The following ABCA5 variants were observed in gnomAD, a reference collection of about 807,000 sequenced individuals.
ABCA5 encodes ATP binding cassette subfamily A member 5.
ABCA5 carries 163 observed loss-of-function variants against 206.0 expected under a neutral mutation model. The observed-to-expected ratio is 0.79, with a 90% CI of 0.70 to 0.90. The LOEUF is 0.90. ABCA5 is among the 40% of genes least tolerant of loss of function. The pLI is 0.00. For synonymous variants in ABCA5, 609 were observed against 613.8 expected, an observed-to-expected ratio of 0.99 and a Z score of 0.11; for missense variants, 1,859 against 1,912.9, an observed-to-expected ratio of 0.97 and a Z score of 0.53.
At chr17:69,303,288 G>A (rs1469762246) in intron 7 of ABCA5, among the ~76,000 whole-genome samples, 1 of 151,822 alleles carries the variant, frequency 6.6e-6, no homozygotes, top group Admixed American at 6.6e-5. Context: ...CAGCATTTTA[G>A]TATTTTTTTT....
chr17:69,287,644 A>C lies in ABCA5; in HGVS notation c.2010T>G (p.Thr670=). Residue 670 remains threonine (T), a synonymous_variant, in exon 15 of 39, where the codon ACT becomes ACG. Transcript: ENST00000392676. ...RKANRVTVFS[T]HFMDEADILA... is the part of the protein sequence containing the mutation. ...GAATGTCAGCTTCATCCATGAAATG[A>C]GTACTGAACACTGTCACCCGATTGG... 1 of 1,612,768 alleles carries C rather than the reference A, an allele frequency of 6.2e-7. No homozygotes were observed.
At chr17:69,250,772 C>T (rs891238924) in intron 35 of ABCA5, 151 bp from the exon 36 acceptor site, 18 of 454,572 alleles carry the variant, frequency 4.0e-5, no homozygotes, top group African/African-American at 6.2e-5. Flanking sequence ...ACTCTTTATC[C>T]GGTTTCAGTT....
In ABCA5 at chr17:69,268,197, C is replaced by T. The variant is rs529633828; in HGVS notation, c.3031-141G>A. 6.2e-5 allele frequency: 33 copies of T among 535,570 alleles called. No individual in the cohort carries two copies. The South Asian group carries it at 6.9e-4, about 11-fold the overall frequency. The allele number at this position is 535,570 out of a possible 1,614,324, so 33.2% of individuals were successfully genotyped here. A position where few individuals can be genotyped will look rare whatever the true frequency, so the allele number is the denominator to read the frequency against. Reference sequence around the variant, plus strand: ...GAATATCTAACCCAGGCATAGTCTACATGAAAGAATGAGTGGCAGATGTAT... The same window carrying T: ...GAATATCTAACCCAGGCATAGTCTATATGAAAGAATGAGTGGCAGATGTAT... On this transcript the variant is annotated intron_variant, in intron 22 of 38. Coordinates refer to ENST00000392676, the MANE Select transcript of ABCA5 (RefSeq NM_172232.4).
At chr17:69,260,448 A>G (rs771230160) in intron 26 of ABCA5, 36 bp from the exon 27 acceptor site, 1 of 1,274,356 alleles carries the variant, frequency 7.8e-7, no homozygotes, top group African/African-American at 1.5e-5. Flanking sequence ...ATACGCTGCA[A>G]TATGTAGAAA....
chr17:69,263,697 C>CTTTTT (rs58369537), intron 24 of ABCA5, among the ~76,000 whole-genome samples: 41,604 of 103,152 alleles, frequency 0.4, 9,865 homozygotes, highest in South Asian at 0.52. Flanking sequence ...ACATGGATTC[C>CTTTTT]TTTTTTTTTT....
At position 69,244,331 on chromosome 17, in the gene ABCA5, A is replaced by T. The variant is rs1337411916; in HGVS notation, c.*3206T>A. 1 of 152,088 alleles carries T rather than the reference A, an allele frequency of 6.6e-6. No individual in the cohort carries two copies. Among genetic ancestry groups the T allele is most frequent in the Non-Finnish European group, 1.5e-5 (1 of 67,950 alleles). 9.4% of individuals were successfully genotyped at this position (152,088 alleles called of 1,614,324 possible). The stretch of plus-strand genomic sequence containing the variant: ...AACAATTTTAGTGCCAGGTTTTTGC[A>T]TCATTTTTAATATGAGCTACTCATT... On this transcript the variant is annotated 3_prime_UTR_variant, in exon 39 of 39. Transcript: ENST00000392676.
chr17:69,319,585 T>C (rs2075846276), intron 1 of ABCA5, among the ~76,000 whole-genome samples: 1 of 152,114 alleles, frequency 6.6e-6, no homozygotes, highest in Admixed American at 6.6e-5. Flanking sequence ...CAGAATTAAC[T>C]AAGAGACCCA....
chr17:69,310,826 C>A (rs2075761133), intron 3 of ABCA5, among the ~76,000 whole-genome samples: 1 of 152,180 alleles, frequency 6.6e-6, no homozygotes, highest in Admixed American at 6.5e-5. Context: ...ACTTTAGTGT[C>A]CTCATCTACA....
chr17:69,294,361 A>G (rs2075562769), intron 11 of ABCA5, among the ~76,000 whole-genome samples: 1 of 152,010 alleles, frequency 6.6e-6, no homozygotes, highest in African/African-American at 2.4e-5. Flanking sequence ...CGTCTCCACA[A>G]AAATACAAAA....
rs1271044329 is a variant in ABCA5, at chr17:69,245,120, C to A, written c.*2417G>T. On this transcript the variant is annotated 3_prime_UTR_variant, in exon 39 of 39. Coordinates refer to ENST00000392676, the MANE Select transcript of ABCA5 (RefSeq NM_172232.4). ...AAATACTGACCTAAGATAATTTGTGCAAATTTAAAAGAAAAAAATTATTTT... is the reference window on the plus strand; with the variant it reads ...AAATACTGACCTAAGATAATTTGTGAAAATTTAAAAGAAAAAAATTATTTT... 1 of 151,038 alleles carries A rather than the reference C, an allele frequency of 6.6e-6. No individual in the cohort carries two copies. Among genetic ancestry groups the A allele is most frequent in the Non-Finnish European group, 1.5e-5 (1 of 67,650 alleles). 9.4% of individuals were successfully genotyped at this position (151,038 alleles called of 1,614,324 possible). A position where few individuals can be genotyped will look rare whatever the true frequency, so the allele number is the denominator to read the frequency against.
At chr17:69,256,134 CTT>C in intron 29 of ABCA5, 21 bp downstream of exon 29, 4 of 1,540,958 alleles carry the variant, frequency 2.6e-6, no homozygotes, top group Non-Finnish European at 3.5e-6. Flanking sequence ...TTTACTATGA[CTT>C]AGCCATAAAG....
At chr17:69,253,458 C>T (rs75169077) in intron 34 of ABCA5, 115 bp downstream of exon 34, 29,330 of 587,980 alleles carry the variant, frequency 0.05, 941 homozygotes, top group Non-Finnish European at 0.066. Flanking sequence ...ACTAGTGTAT[C>T]GTTTGAATAG....
At position 69,249,831 on chromosome 17, in the gene ABCA5, T is replaced by A. The variant is rs911008030; in HGVS notation, c.4765+74A>T. 3 of 1,455,684 alleles carry A rather than the reference T, an allele frequency of 2.1e-6. No homozygotes were observed. In the African/African-American group the frequency reaches 4.3e-5, roughly 21 times the overall value. The allele number at this position is 1,455,684 out of a possible 1,614,324, so 90.2% of individuals were successfully genotyped here. The stretch of plus-strand genomic sequence containing the variant: ...TTCAACTACTTACCTTCTTCCAGCT[T>A]AAAAAAAGATTGTGAAAGGGACTGA... On this transcript the variant is annotated intron_variant, in intron 37 of 38. Transcript: ENST00000392676.
intron 1 of ABCA5, among the ~76,000 whole-genome samples, chr17:69,319,511 C>T (rs561330701): frequency 9.2e-5 from 14 of 152,252 alleles, no homozygotes; most frequent in African/African-American, 2.6e-4. Flanking sequence ...ACCATCCCAA[C>T]GCACACAAAC....
intron 14 of ABCA5, among the ~76,000 whole-genome samples, chr17:69,288,889 T>A (rs1267499004): frequency 6.6e-6 from 1 of 152,068 alleles, no homozygotes; most frequent in African/African-American, 2.4e-5. Flanking sequence ...TTGAGTACCA[T>A]GTACAGTACT....
chr17:69,269,446 T>C (rs1281714766), intron 22 of ABCA5, among the ~76,000 whole-genome samples: 1 of 152,214 alleles, frequency 6.6e-6, no homozygotes, highest in Non-Finnish European at 1.5e-5. Flanking sequence ...ACACTGCTGC[T>C]GGAAATGGAA....
At position 69,288,269 on chromosome 17, in the gene ABCA5, T is replaced by C. The variant is rs149637880; in HGVS notation, c.1903-518A>G. 7.2e-4 allele frequency among the ~76,000 whole-genome samples: 109 copies of C among 152,226 alleles called. 2 individuals carry two copies. The East Asian group carries it at 0.014, about 19-fold the overall frequency. Reference sequence around the variant, plus strand: ...AATGTGGCAGGATGGTGGGGATCAATAGGAGATCATCCTAGCTGCATGCAT... The same window carrying C: ...AATGTGGCAGGATGGTGGGGATCAACAGGAGATCATCCTAGCTGCATGCAT... On this transcript the variant is annotated intron_variant, in intron 14 of 38. Transcript: ENST00000392676.
At chr17:69,272,986 A>C (rs1196674609) in intron 20 of ABCA5, among the ~76,000 whole-genome samples, 1 of 152,202 alleles carries the variant, frequency 6.6e-6, no homozygotes, top group Admixed American at 6.5e-5. Flanking sequence ...ACAGAATAGG[A>C]GATGTTATAG....
At chr17:69,284,983 A>G (rs2075434756) in intron 17 of ABCA5, among the ~76,000 whole-genome samples, 1 of 152,198 alleles carries the variant, frequency 6.6e-6, no homozygotes, top group Non-Finnish European at 1.5e-5. Context: ...GGTGAAAACC[A>G]TGAGTTCTGG....
Sources: gnomAD v4.1 joint callset for allele counts (sites outside exome capture counted in the v4.1 genomes callset) on GRCh38, gnomAD v4.1.1 for gene constraint, MANE v1.5 for transcripts, NCBI Gene and HGNC (gene_info 2026-07-23, HGNC 2026-07-21) for gene names.